The following ATR variants were observed in gnomAD, a reference collection of about 807,000 sequenced individuals.
ATR encodes the protein ATR checkpoint kinase.
A neutral mutation model predicts 305.3 loss-of-function variants in ATR; 142 were observed. The ratio of observed to expected loss-of-function variants is 0.47; its 90% CI spans 0.41 to 0.53. ATR has a LOEUF of 0.53. Among genes scored for constraint, ATR ranks in the 20% least tolerant of loss-of-function variants. ATR has a pLI of 0.00. For synonymous variants in ATR, 1,050 were observed against 1,068.1 expected (o/e 0.98, Z 0.33); for missense variants, 2,135 against 3,133.1 (o/e 0.68, Z 7.60).
In ATR at chr3:142,557,670, T is replaced by C. The variant is rs185542238; in HGVS notation, c.1885+954A>G. 1.5e-3 allele frequency among the ~76,000 whole-genome samples: 236 copies of C among 152,342 alleles called. 1 individual carries two copies. The highest frequency in any genetic ancestry group is 4.4e-3 in the African/African-American group (183 of 41,584). On this transcript the variant is annotated intron_variant, in intron 8 of 46. Transcript: ENST00000350721. The stretch of plus-strand genomic sequence containing the variant: ...ACAAAGGCTTCCATCATATCTCTAA[T>C]AGCCCAGGCTGGAGTGCAGGGGTGC...
chr3:142,459,383 C>G lies in ATR; in HGVS notation c.7193G>C (p.Gly2398Ala), dbSNP rs2108262102. 1 of 1,613,666 alleles carries G rather than the reference C, an allele frequency of 6.2e-7. No individual in the cohort carries two copies. Among genetic ancestry groups the G allele is most frequent in the East Asian group, 2.2e-5 (1 of 44,856 alleles). The part of the protein sequence containing the change: ...PILTKLYKEK[G>A]VYMTGKELRQ... ...AAGTTCTTTTCCTGTCATATACACT[C>G]CTGCAAGGAAGAGTGATATCCATTA... The change falls in exon 43 of 47, where the codon GGA becomes GCA. Residue 2398 changes from glycine to alanine, a missense_variant and splice_region_variant. By Grantham distance (60) the Gly-to-Ala change is moderately conservative. This residue lies in a region of ATR where 462 missense variants were observed against 887.6 expected (regional missense o/e 0.52). Coordinates refer to ENST00000350721, the MANE Select transcript of ATR (RefSeq NM_001184.4).
intron 3 of ATR, 61 bp downstream of exon 3, chr3:142,566,060 G>A (rs2108493514): frequency 1.3e-6 from 2 of 1,599,096 alleles, no homozygotes; most frequent in Non-Finnish European, 1.7e-6. Context: ...TTTCAGAAGA[G>A]CAGTAAAAGG....
chr3:142,475,000 C>T (rs1215269731), intron 36 of ATR, among the ~76,000 whole-genome samples: 2 of 151,716 alleles, frequency 1.3e-5, no homozygotes, highest in Non-Finnish European at 2.9e-5. Context: ...ATAGTGGTTG[C>T]CTCCAGGGAT....
rs770769122 is a variant in ATR at position 142,558,651 on chromosome 3, A to G, written c.1858T>C (p.Leu620=). 28 of 1,613,282 alleles carry G rather than the reference A, an allele frequency of 1.7e-5. No homozygotes were observed. Among genetic ancestry groups the G allele is most frequent in the Middle Eastern group, 1.6e-4 (1 of 6,074 alleles). ...LTTFAANLLT[L]SCRISDSYSP... The stretch of plus-strand genomic sequence containing the variant: ...TAGCTATCTGAAATCCTACAGCTTA[A>G]TGTTAGAAGATTAGCGGCAAATGTG... Residue 620 remains leucine, a synonymous_variant, in exon 8 of 47, where the codon TTA becomes CTA. Transcript: ENST00000350721.
At chr3:142,501,164 C>T (rs1029326194) in intron 30 of ATR, among the ~76,000 whole-genome samples, 2 of 152,220 alleles carry the variant, frequency 1.3e-5, no homozygotes, top group South Asian at 2.1e-4. Flanking sequence ...TGAATATTGA[C>T]GCATGCCTTT....
In ATR at chr3:142,556,132, C is replaced by T. The variant is rs768913323; in HGVS notation, c.2086G>A (p.Val696Ile). 6.2e-7 allele frequency: 1 copy of T among 1,613,254 alleles called. No individual in the cohort carries two copies. Among genetic ancestry groups the T allele is most frequent in the South Asian group, 1.1e-5 (1 of 90,752 alleles). Residue 696 changes from valine to isoleucine, a missense_variant, in exon 10 of 47, where the codon GTC becomes ATC. Transcript: ENST00000350721. ...NRVPKILIDK[V>I]KDDSDIVKKE... ...TTGACAATGTCAGAATCATCTTTGA[C>T]TTTATCTCTGGGGAAAAAAAAGAAA...
rs754030624 is a variant in ATR at position 142,498,619 on chromosome 3, G to A, written c.5536C>T (p.Arg1846Ter). ...AASFERGSYQRGYEYIVRLHM... is the reference protein window; with the variant it reads ...AASFERGSYQ ...TACCTCACAATATATTCATATCCTC[G>A]TTGGTAGGAGCCTCTTTCAAAGCTT... is the stretch of plus-strand genomic sequence containing the variant. Residue 1846 changes from arginine to a stop codon, truncating the protein, a stop_gained, in exon 32 of 47, where the codon CGA becomes TGA. Transcript: ENST00000350721. LOFTEE classifies it high-confidence loss of function. The A allele has an allele frequency of 6.8e-6, 11 of 1,613,754 alleles. No individual in the cohort carries two copies. Among genetic ancestry groups the A allele is most frequent in the African/African-American group, 1.3e-5 (1 of 74,998 alleles).
intron 6 of ATR, among the ~76,000 whole-genome samples, chr3:142,559,695 G>C (rs973728565): frequency 1.3e-5 from 2 of 152,154 alleles, no homozygotes; most frequent in Admixed American, 1.3e-4. Flanking sequence ...CTTGAGCCCA[G>C]GAGTTTGAGA....
intron 36 of ATR, among the ~76,000 whole-genome samples, chr3:142,471,034 C>T (rs2071251053): frequency 6.6e-6 from 1 of 152,086 alleles, no homozygotes. Context: ...ATCATCACCA[C>T]CATTCCCCCT....
intron 16 of ATR, among the ~76,000 whole-genome samples, chr3:142,547,297 G>C (rs566798925): frequency 1.3e-5 from 2 of 152,078 alleles, no homozygotes; most frequent in Non-Finnish European, 2.9e-5. Flanking sequence ...TTGACCTAAG[G>C]AAAGAGTAGT....
chr3:142,519,366 ATCTCGGCT>A (rs2033045075), intron 24 of ATR, among the ~76,000 whole-genome samples: 1 of 151,976 alleles, frequency 6.6e-6, no homozygotes, highest in African/African-American at 2.4e-5. Flanking sequence ...CAATGGCACA[ATCTCGGCT>A]CACTGCAACC....
chr3:142,558,927 C>T, intron 7 of ATR, 151 bp from the exon 8 acceptor site: 1 of 776,612 alleles, frequency 1.3e-6, no homozygotes, highest in Non-Finnish European at 2.0e-6. Flanking sequence ...GGTCTGAGGT[C>T]TGTGAACCCA....
chr3:142,453,043 A>G, intron 46 of ATR, 85 bp downstream of exon 46: 4 of 1,590,286 alleles, frequency 2.5e-6, no homozygotes, highest in Non-Finnish European at 3.4e-6. Flanking sequence ...GTTCTCATGC[A>G]TAGAGATGAG....
rs2031691051 is a variant in ATR, at chr3:142,497,059, C to T, written c.5692G>A (p.Glu1898Lys). The T allele has an allele frequency of 6.2e-7, 1 of 1,613,780 alleles. No homozygotes were observed. The change falls in exon 33 of 47, where the codon GAG becomes AAG. Residue 1898 changes from glutamate (E) to lysine (K), a missense_variant. Around this residue, in one of 9 missense-constraint regions of ATR, gnomAD observed 30 missense variants for 26.7 expected, o/e 1.12. Transcript: ENST00000350721. ...EMTQNSYRAK[E>K]PILALRRALL... is the part of the protein sequence containing the mutation. ...GCCCTCCGGAGAGCCAGGATAGGCT[C>T]CTTGGCTCTGTAGGAATTCTGGGTC...
intron 46 of ATR, chr3:142,452,075 G>T (rs1269239885): frequency 9.8e-7 from 1 of 1,015,312 alleles, no homozygotes; most frequent in Non-Finnish European, 1.2e-6. Flanking sequence ...GCAAGAAAAA[G>T]AAATTTTTCT....
intron 30 of ATR, 169 bp from the exon 31 acceptor site, chr3:142,499,887 T>C (rs2031864862): frequency 1.7e-6 from 1 of 579,552 alleles, no homozygotes; most frequent in East Asian, 3.1e-5. Context: ...ATCCAGAAAA[T>C]TTTAATCTTT....
Position 142,512,488 on chromosome 3 carries a change from A to T in ATR, c.4642-18T>A, listed in dbSNP as rs770415545. The T allele has an allele frequency of 6.6e-7, 1 of 1,525,234 alleles. No individual in the cohort carries two copies. Among genetic ancestry groups the T allele is most frequent in the South Asian group, 1.2e-5 (1 of 85,866 alleles). The allele number at this position is 1,525,234 out of a possible 1,614,324, so 94.5% of individuals were successfully genotyped here. On this transcript the variant is annotated intron_variant, in intron 26 of 46. Coordinates refer to ENST00000350721, the MANE Select transcript of ATR (RefSeq NM_001184.4). ...GCATAAACCTATGAGAATCATTTAT[A>T]ATTAATAATAATATCTATATAATAC...
chr3:142,486,511 TA>T (rs2030935112), intron 35 of ATR, among the ~76,000 whole-genome samples: 1 of 152,148 alleles, frequency 6.6e-6, no homozygotes, highest in South Asian at 2.1e-4. Context: ...GCTTAGATTT[TA>T]AATATTTATT....
chr3:142,504,348 C>G (rs1481697560), intron 29 of ATR, among the ~76,000 whole-genome samples: 2 of 151,998 alleles, frequency 1.3e-5, no homozygotes, highest in Non-Finnish European at 1.5e-5. Context: ...TAATAGCAAA[C>G]TAAAATTATA....
Sources: gnomAD v4.1 joint callset for allele counts (sites outside exome capture counted in the v4.1 genomes callset) on GRCh38, gnomAD v4.1.1 for gene constraint, gnomAD v4.1.1 regional missense constraint, MANE v1.5 for transcripts, NCBI Gene and HGNC (gene_info 2026-07-23, HGNC 2026-07-21) for gene names.